The following MIGA1 variants were observed in gnomAD, a reference collection of about 807,000 sequenced individuals.
MIGA1 encodes the protein family with sequence similarity 73, member A.
In MIGA1, 58 loss-of-function variants were observed where a neutral mutation model predicts 82.0. That is an observed-to-expected ratio of 0.71 (90% CI 0.57 to 0.88). MIGA1 has a LOEUF of 0.88. Ranked by LOEUF, MIGA1 falls within the 40% of genes least tolerant of loss-of-function variation. The pLI is 0.00. For synonymous variants in MIGA1, 249 were observed against 253.6 expected, an observed-to-expected ratio of 0.98 and a Z score of 0.17; for missense variants, 751 against 749.1, an observed-to-expected ratio of 1.00 and a Z score of -0.03.
At chr1:77,836,159 C>T (rs369951832) in intron 7 of MIGA1, among the ~76,000 whole-genome samples, 8 of 151,818 alleles carry the variant, frequency 5.3e-5, no homozygotes, top group Non-Finnish European at 8.8e-5. Context: ...AATAATCTCC[C>T]GAGAACTGTA....
chr1:77,799,670 T>C (rs1163971186), intron 2 of MIGA1, among the ~76,000 whole-genome samples: 1 of 152,188 alleles, frequency 6.6e-6, no homozygotes, highest in Non-Finnish European at 1.5e-5. Context: ...TACCTGTTTT[T>C]TTTTCCGAGT....
intron 12 of MIGA1, chr1:77,862,095 C>G (rs149706419): frequency 0.021 from 3,061 of 145,214 alleles, 295 homozygotes; most frequent in African/African-American, 0.077. Context: ...GAGCCAAGAT[C>G]GTGCCACTGT....
intron 5 of MIGA1, among the ~76,000 whole-genome samples, chr1:77,812,826 A>G (rs1315710734): frequency 6.6e-6 from 1 of 151,996 alleles, no homozygotes; most frequent in Non-Finnish European, 1.5e-5. Context: ...CTAACTTTTG[A>G]TGGGTTCATT....
intron 7 of MIGA1, among the ~76,000 whole-genome samples, chr1:77,834,001 A>G (rs72685316): frequency 0.095 from 14,397 of 152,296 alleles, 1,130 homozygotes; most frequent in African/African-American, 0.21. Context: ...TTTGATAAAT[A>G]GGGAATGCCA....
In MIGA1 at chr1:77,847,722, G is replaced by GT. The variant is rs1684898317; in HGVS notation, c.996+4316dup. On this transcript the variant is annotated intron_variant, in intron 8 of 15. Coordinates refer to ENST00000370791, the MANE Select transcript of MIGA1 (RefSeq NM_198549.4). ...AAATCAAGCAGTTGGTGAAGAGGAA[G>GT]TACCTAAATGCAGCTTTCGTGAAGC... The GT allele has an allele frequency of 2.5e-6, 4 of 1,581,538 alleles. No homozygotes were observed. In the Admixed American group the frequency reaches 5.1e-5, roughly 20 times the overall value.
chr1:77,858,007 C>G (rs1404295713), intron 8 of MIGA1, among the ~76,000 whole-genome samples: 1 of 152,030 alleles, frequency 6.6e-6, no homozygotes, highest in Non-Finnish European at 1.5e-5. Context: ...AATTCTCCTC[C>G]TCTTTTTAAA....
chr1:77,859,490 C>A, intron 10 of MIGA1, 104 bp downstream of exon 10: 1 of 748,414 alleles, frequency 1.3e-6, no homozygotes, highest in Non-Finnish European at 2.3e-6. Context: ...CTTGATTATC[C>A]CTATTCCTAA....
At chr1:77,787,438 T>C (rs576627631) in intron 2 of MIGA1, among the ~76,000 whole-genome samples, 13 of 151,756 alleles carry the variant, frequency 8.6e-5, no homozygotes, top group Admixed American at 5.9e-4. Context: ...TGGGCTGGAA[T>C]GCAGTGGTGC....
intron 7 of MIGA1, 135 bp from the exon 8 acceptor site, chr1:77,843,172 A>G (rs752876773): frequency 7.6e-4 from 415 of 549,618 alleles, no homozygotes; most frequent in Admixed American, 2.7e-4. Context: ...TAAACAATGG[A>G]TACTTACTGT....
chr1:77,811,886 A>C (rs1683350872), intron 5 of MIGA1: 23 of 1,438,580 alleles, frequency 1.6e-5, no homozygotes, highest in Non-Finnish European at 2.1e-5. Context: ...GCCAGGAGGA[A>C]CCGCTACGGC....
In MIGA1 at chr1:77,865,002, T is replaced by G. The variant is rs544567896; in HGVS notation, c.1509+974T>G. On this transcript the variant is annotated intron_variant, in intron 13 of 15. Coordinates refer to ENST00000370791, the MANE Select transcript of MIGA1 (RefSeq NM_198549.4). ...TACTGATATTAAACTTAAAAGCATT[T>G]TAAATAAATTCATTTTGCCTCAATT... is the stretch of plus-strand genomic sequence containing the variant. Among the ~76,000 whole-genome samples the G allele has an allele frequency of 2.6e-5, 4 of 152,346 alleles. No homozygotes were observed. The East Asian group carries it at 5.8e-4, about 22-fold the overall frequency.
chr1:77,803,494 C>A, intron 4 of MIGA1, 88 bp downstream of exon 4: 2 of 517,332 alleles, frequency 3.9e-6, no homozygotes, highest in Non-Finnish European at 6.1e-6. Flanking sequence ...ACTTATAGTT[C>A]TTAGTATGGA....
chr1:77,820,680 A>G (rs574962236), intron 7 of MIGA1, among the ~76,000 whole-genome samples: 1 of 152,122 alleles, frequency 6.6e-6, no homozygotes, highest in Non-Finnish European at 1.5e-5. Context: ...ACGTTCTTTA[A>G]AATTTCTGGT....
At chr1:77,866,128 G>T (rs1685654515) in intron 13 of MIGA1, among the ~76,000 whole-genome samples, 2 of 152,064 alleles carry the variant, frequency 1.3e-5, no homozygotes, top group Non-Finnish European at 2.9e-5. Context: ...TCTTGGCCAG[G>T]ATGGTCTCCA....
chr1:77,827,756 A>T (rs1417228250), intron 7 of MIGA1, among the ~76,000 whole-genome samples: 2 of 152,212 alleles, frequency 1.3e-5, no homozygotes, highest in Non-Finnish European at 2.9e-5. Flanking sequence ...GGTTAATTGC[A>T]TGCAGGTTCT....
chr1:77,789,707 A>T (rs1353824325), intron 2 of MIGA1, among the ~76,000 whole-genome samples: 1 of 151,690 alleles, frequency 6.6e-6, no homozygotes, highest in Non-Finnish European at 1.5e-5. Context: ...GTGAGAGTCT[A>T]TTCAGGTTGG....
intron 7 of MIGA1, among the ~76,000 whole-genome samples, chr1:77,841,512 A>AT (rs1684626221): frequency 6.6e-6 from 1 of 151,114 alleles, no homozygotes; most frequent in Non-Finnish European, 1.5e-5. Flanking sequence ...TTGGAATATA[A>AT]TTGATTGTAC....
chr1:77,824,892 G>C (rs1272860095), intron 7 of MIGA1, among the ~76,000 whole-genome samples: 3 of 151,070 alleles, frequency 2.0e-5, no homozygotes, highest in Non-Finnish European at 4.4e-5. Flanking sequence ...TAACCATCCT[G>C]AATTAATGAG....
intron 8 of MIGA1, among the ~76,000 whole-genome samples, chr1:77,851,600 T>A (rs1685052746): frequency 6.6e-6 from 1 of 152,192 alleles, no homozygotes; most frequent in Non-Finnish European, 1.5e-5. Flanking sequence ...AGTTTAAGAT[T>A]AATGATTTAA....
Sources: allele counts gnomAD v4.1 joint callset (sites outside exome capture counted in the v4.1 genomes callset), GRCh38; gene constraint gnomAD v4.1.1; transcripts MANE v1.5; gene names NCBI Gene and HGNC (gene_info 2026-07-23, HGNC 2026-07-21).